Variants in INPP5A observed in about 807,000 individuals in gnomAD.
INPP5A encodes 43 kDa inositol polyphosphate 5-phophatase.
Under a neutral mutation model 65.2 loss-of-function variants are expected in INPP5A, and 14 were observed. The ratio of observed to expected loss-of-function variants is 0.21; its 90% CI spans 0.14 to 0.34. The LOEUF is 0.34. Ranked by LOEUF, INPP5A falls within the 10% of genes least tolerant of loss-of-function variation. The pLI, the probability that INPP5A is intolerant of heterozygous loss-of-function variation, is 1.00. For missense variants in INPP5A, 431 were observed against 545.6 expected (o/e 0.79, Z 2.09); for synonymous variants, 207 against 208.3 (o/e 0.99, Z 0.05).
rs1270661976 is a variant in INPP5A, at chr10:132,706,116, C to A, written c.475-2197C>A. Among the ~76,000 whole-genome samples the A allele has an allele frequency of 2.6e-5, 4 of 152,186 alleles. No individual in the cohort carries two copies. The highest frequency in any genetic ancestry group is 9.7e-5 in the African/African-American group (4 of 41,436). ...TGCATTAGAAATTACAGAACAGATT[C>A]TAGACTAGATGTGGTCAAAGAGAGA... On this transcript the variant is annotated intron_variant, in intron 6 of 15. Coordinates refer to ENST00000368594, the MANE Select transcript of INPP5A (RefSeq NM_005539.5). This position sits in a 1 kb window ranked among gnomAD's most constrained non-coding sequence, Gnocchi z 4.7.
rs1338127482 is a variant in INPP5A, at chr10:132,587,340, G to A, written c.76-20575G>A. ...TCCTCACAGGGGTGGCAGGGGGTCC[G>A]ATTGAGGAGCAGTTGGGTGGCCCAG... On this transcript the variant is annotated intron_variant, in intron 1 of 15. Transcript: ENST00000368594. The surrounding 1 kb of genome is among the most constrained non-coding windows in gnomAD (Gnocchi z 4.3). 6.6e-6 allele frequency among the ~76,000 whole-genome samples: 1 copy of A among 152,122 alleles called. No individual in the cohort carries two copies. The highest frequency in any genetic ancestry group is 1.9e-4 in the East Asian group (1 of 5,178).
intron 8 of INPP5A, among the ~76,000 whole-genome samples, chr10:132,712,269 TGTGTGCACACATGCACATGCATGTGA>T (rs2134536037): frequency 6.6e-6 from 1 of 152,022 alleles, no homozygotes; most frequent in African/African-American, 2.4e-5. Flanking sequence ...TGTAATTGTG[TGTGTGCACACATGCACATGCATGTGA>T]GTGTATGCAC....
rs115677092 is a variant in INPP5A at position 132,578,012 on chromosome 10, A to C, written c.76-29903A>C. Among the ~76,000 whole-genome samples the C allele has an allele frequency of 2.8e-3, 428 of 152,336 alleles. 1 individual carries two copies. Among genetic ancestry groups the C allele is most frequent in the African/African-American group, 0.01 (417 of 41,564 alleles). ...ATTTTAGTTGTAGGCATGTTTGCTAAATGTCAGCAATTTGGCCTCACTCAA... is the reference window on the plus strand; with the variant it reads ...ATTTTAGTTGTAGGCATGTTTGCTACATGTCAGCAATTTGGCCTCACTCAA... On this transcript the variant is annotated intron_variant, in intron 1 of 15. Transcript: ENST00000368594.
chr10:132,714,410 A>G (rs1845703865), intron 8 of INPP5A, among the ~76,000 whole-genome samples: 1 of 152,170 alleles, frequency 6.6e-6, no homozygotes, highest in South Asian at 2.1e-4. Context: ...GGGCAGGACA[A>G]TGCCGCGCGG....
At chr10:132,564,820 G>A (rs1174507344) in intron 1 of INPP5A, among the ~76,000 whole-genome samples, 1 of 152,144 alleles carries the variant, frequency 6.6e-6, no homozygotes, top group Non-Finnish European at 1.5e-5. Context: ...CAGTGGGATG[G>A]CGTCACCTGG....
intron 2 of INPP5A, among the ~76,000 whole-genome samples, chr10:132,645,366 G>A (rs1381760788): frequency 1.3e-5 from 2 of 152,144 alleles, no homozygotes; most frequent in South Asian, 2.1e-4. Context: ...TCCTACACAC[G>A]TGAACACACA....
At chr10:132,590,482 G>T (rs1485546344) in intron 1 of INPP5A, among the ~76,000 whole-genome samples, 2 of 152,170 alleles carry the variant, frequency 1.3e-5, no homozygotes, top group Admixed American at 1.3e-4. Context: ...GGAGTGTGGG[G>T]GAGACACTGT....
chr10:132,693,455 T>C (rs950058888), intron 5 of INPP5A, among the ~76,000 whole-genome samples: 2 of 152,094 alleles, frequency 1.3e-5, no homozygotes, highest in African/African-American at 4.8e-5. Flanking sequence ...TAAAGATTAA[T>C]AGATAAGGGA....
intron 4 of INPP5A, among the ~76,000 whole-genome samples, chr10:132,662,421 G>A (rs2072748615): frequency 6.6e-6 from 1 of 152,182 alleles, no homozygotes; most frequent in South Asian, 2.1e-4. Context: ...GGAACAGGAG[G>A]GGACAGTCTG....
At position 132,706,500 on chromosome 10, in the gene INPP5A, G is replaced by T. The variant is rs904415016; in HGVS notation, c.475-1813G>T. Among the ~76,000 whole-genome samples the T allele has an allele frequency of 1.3e-5, 2 of 152,248 alleles. No individual in the cohort carries two copies. Among genetic ancestry groups the T allele is most frequent in the Non-Finnish European group, 2.9e-5 (2 of 68,042 alleles). On this transcript the variant is annotated intron_variant, in intron 6 of 15. Coordinates refer to ENST00000368594, the MANE Select transcript of INPP5A (RefSeq NM_005539.5). This position sits in a 1 kb window ranked among gnomAD's most constrained non-coding sequence, Gnocchi z 4.7. Reference sequence around the variant, plus strand: ...GAGAGAGGAAAACATACATTCAGAGGATTCACAGTTCGTGTGCCGGGGTGC... The same window carrying T: ...GAGAGAGGAAAACATACATTCAGAGTATTCACAGTTCGTGTGCCGGGGTGC...
intron 1 of INPP5A, among the ~76,000 whole-genome samples, chr10:132,585,027 A>AACTT (rs2071530793): frequency 1.3e-5 from 2 of 152,244 alleles, no homozygotes; most frequent in African/African-American, 4.8e-5. Flanking sequence ...ATTTCCAAGG[A>AACTT]ACTTGTTTAA....
chr10:132,695,663 T>C (rs893019098), intron 5 of INPP5A, among the ~76,000 whole-genome samples: 1 of 152,202 alleles, frequency 6.6e-6, no homozygotes, highest in Admixed American at 6.5e-5. Context: ...GCAGGATGCC[T>C]AGTTAAGATA....
At chr10:132,563,147 C>T (rs189768241) in intron 1 of INPP5A, among the ~76,000 whole-genome samples, 23 of 152,312 alleles carry the variant, frequency 1.5e-4, no homozygotes, top group Non-Finnish European at 2.2e-4. Context: ...TGTTCAGATT[C>T]CAGGCTGTGG....
At chr10:132,757,281 G>A (rs1174652248) in intron 11 of INPP5A, among the ~76,000 whole-genome samples, 2 of 152,174 alleles carry the variant, frequency 1.3e-5, no homozygotes, top group Non-Finnish European at 1.5e-5. Context: ...ACCCCCGCCC[G>A]CTCACCAGCT....
chr10:132,567,837 C>T (rs915118297), intron 1 of INPP5A, among the ~76,000 whole-genome samples: 4 of 152,150 alleles, frequency 2.6e-5, no homozygotes, highest in Non-Finnish European at 5.9e-5. Flanking sequence ...TATATGCTTT[C>T]CTTTTTGAAT....
At position 132,538,780 on chromosome 10, in the gene INPP5A, C is replaced by A. The variant is rs951076533; in HGVS notation, c.75+609C>A. Among the ~76,000 whole-genome samples the A allele has an allele frequency of 6.6e-6, 1 of 152,222 alleles. No homozygotes were observed. Among genetic ancestry groups the A allele is most frequent in the Admixed American group, 6.5e-5 (1 of 15,284 alleles). The stretch of plus-strand genomic sequence containing the variant: ...TGAAACATAACCACAAACCCTAACC[C>A]AGGAACTTCTGACACAGGGCTGTGG... On this transcript the variant is annotated intron_variant, in intron 1 of 15. Coordinates refer to ENST00000368594, the MANE Select transcript of INPP5A (RefSeq NM_005539.5). The surrounding 1 kb of genome is among the most constrained non-coding windows in gnomAD (Gnocchi z 4.1).
At chr10:132,773,659 G>T (rs1189331243) in intron 12 of INPP5A, among the ~76,000 whole-genome samples, 10 of 152,234 alleles carry the variant, frequency 6.6e-5, no homozygotes, top group Non-Finnish European at 1.0e-4. Context: ...GGCTCATACA[G>T]ACTGTGGGAC....
At chr10:132,732,405 T>C (rs968642280) in intron 9 of INPP5A, among the ~76,000 whole-genome samples, 1 of 152,220 alleles carries the variant, frequency 6.6e-6, no homozygotes, top group African/African-American at 2.4e-5. Context: ...ACTATGTAAG[T>C]AAAGCGAGCC....
At chr10:132,602,439 A>G (rs939308290) in intron 1 of INPP5A, among the ~76,000 whole-genome samples, 9 of 152,054 alleles carry the variant, frequency 5.9e-5, no homozygotes, top group African/African-American at 1.9e-4. Context: ...GACCACAGGC[A>G]TGCACCACCA....
Sources: gnomAD v4.1 joint callset for allele counts (sites outside exome capture counted in the v4.1 genomes callset) on GRCh38, gnomAD v4.1.1 for gene constraint, Gnocchi (gnomAD v3.1) non-coding constraint, MANE v1.5 for transcripts, NCBI Gene and HGNC (gene_info 2026-07-23, HGNC 2026-07-21) for gene names.